Variants in SNTG1 observed in about 807,000 individuals in gnomAD.
The protein encoded by SNTG1 is syntrophin gamma 1.
In SNTG1, 39 loss-of-function variants were observed where a neutral mutation model predicts 74.7. That is an observed-to-expected ratio of 0.52 (90% CI 0.40 to 0.68). The LOEUF is 0.68. SNTG1 is among the 30% of genes least tolerant of loss of function. The pLI is 0.00. For synonymous variants in SNTG1, 254 were observed against 217.1 expected (o/e 1.17, Z -1.49); for missense variants, 685 against 609.5 (o/e 1.12, Z -1.30).
At chr8:50,710,237 T>C (rs1048025792) in intron 17 of SNTG1, among the ~76,000 whole-genome samples, 1 of 152,186 alleles carries the variant, frequency 6.6e-6, no homozygotes, top group African/African-American at 2.4e-5. Context: ...CTTCACATCA[T>C]GACAAAGGAA....
At chr8:50,228,524 A>C (rs2085456752) in intron 2 of SNTG1, among the ~76,000 whole-genome samples, 1 of 151,994 alleles carries the variant, frequency 6.6e-6, no homozygotes, top group South Asian at 2.1e-4. Context: ...ATCTTGAAAT[A>C]AACCAGAGGA....
intron 15 of SNTG1, among the ~76,000 whole-genome samples, chr8:50,697,559 G>A (rs1427775851): frequency 2.0e-5 from 3 of 152,038 alleles, no homozygotes; most frequent in Non-Finnish European, 4.4e-5. Context: ...GTTGACTGTG[G>A]GTTTGTCATA....
intron 9 of SNTG1, among the ~76,000 whole-genome samples, chr8:50,523,901 A>G (rs142662257): frequency 3.1e-4 from 47 of 152,262 alleles, no homozygotes; most frequent in African/African-American, 1.1e-3. Flanking sequence ...CTGTACTTGG[A>G]TATTGGGTTT....
intron 1 of SNTG1, among the ~76,000 whole-genome samples, chr8:50,126,757 A>G (rs2081153588): frequency 6.6e-6 from 1 of 152,238 alleles, no homozygotes; most frequent in African/African-American, 2.4e-5. Context: ...ACAGGTGACA[A>G]TAGTATCCAG....
intron 13 of SNTG1, among the ~76,000 whole-genome samples, chr8:50,593,834 C>A (rs1347285108): frequency 6.6e-6 from 1 of 151,900 alleles, no homozygotes; most frequent in East Asian, 1.9e-4. Context: ...TCTCCTGCCT[C>A]AGCCTCCCAA....
chr8:50,180,750 C>CTTTTTTTTTTTT (rs60630226), intron 2 of SNTG1, among the ~76,000 whole-genome samples: 1 of 80,648 alleles, frequency 1.2e-5, no homozygotes, highest in Non-Finnish European at 2.1e-5. Context: ...ATTGTGAAGC[C>CTTTTTTTTTTTT]TTTTTTTTTT....
At chr8:50,447,417 G>A (rs1333872323) in intron 5 of SNTG1, among the ~76,000 whole-genome samples, 1 of 152,164 alleles carries the variant, frequency 6.6e-6, no homozygotes, top group Non-Finnish European at 1.5e-5. Context: ...CTGGATGATT[G>A]TTTCATGGTT....
intron 1 of SNTG1, among the ~76,000 whole-genome samples, chr8:50,075,834 C>T (rs999869544): frequency 2.0e-5 from 3 of 152,260 alleles, no homozygotes; most frequent in Non-Finnish European, 4.4e-5. Flanking sequence ...AGGTCTGCAA[C>T]TTCATTCTTG....
chr8:50,460,638 A>G (rs968836213), intron 8 of SNTG1, among the ~76,000 whole-genome samples: 4 of 152,100 alleles, frequency 2.6e-5, no homozygotes, highest in African/African-American at 9.7e-5. Flanking sequence ...TAACTCTTTG[A>G]TACATCTTGA....
intron 18 of SNTG1, among the ~76,000 whole-genome samples, chr8:50,764,530 A>T (rs1251949415): frequency 6.6e-6 from 1 of 151,960 alleles, no homozygotes; most frequent in South Asian, 2.1e-4. Flanking sequence ...CCTATGAAGC[A>T]ATGCTTAACA....
chr8:50,438,479 A>C, intron 4 of SNTG1, 64 bp from the exon 5 acceptor site: 3 of 1,452,444 alleles, frequency 2.1e-6, no homozygotes, highest in Non-Finnish European at 2.9e-6. Context: ...AAAAAACAAC[A>C]AAAAATGGTG....
At chr8:50,500,955 G>A (rs557502825) in intron 8 of SNTG1, among the ~76,000 whole-genome samples, 2 of 152,256 alleles carry the variant, frequency 1.3e-5, no homozygotes, top group African/African-American at 4.8e-5. Context: ...TCTAGGCAGA[G>A]GAGGATAGTC....
At chr8:50,288,556 C>T (rs2088914377) in intron 2 of SNTG1, among the ~76,000 whole-genome samples, 1 of 152,004 alleles carries the variant, frequency 6.6e-6, no homozygotes. Context: ...CTACTCTTGC[C>T]GACATTAGAT....
chr8:50,406,924 A>G (rs2092883455), intron 4 of SNTG1, among the ~76,000 whole-genome samples: 1 of 152,132 alleles, frequency 6.6e-6, no homozygotes, highest in Non-Finnish European at 1.5e-5. Flanking sequence ...AGGAAAGCCA[A>G]TCTACAACAG....
intron 4 of SNTG1, among the ~76,000 whole-genome samples, chr8:50,415,284 C>A (rs1396083780): frequency 6.6e-6 from 1 of 151,840 alleles, no homozygotes; most frequent in East Asian, 1.9e-4. Context: ...ATTGTTTCTG[C>A]AGAAAAGCAT....
At chr8:50,781,890 G>T (rs1434660923) in intron 18 of SNTG1, among the ~76,000 whole-genome samples, 1 of 152,178 alleles carries the variant, frequency 6.6e-6, no homozygotes, top group Admixed American at 6.5e-5. Context: ...ACTCTTTTAG[G>T]GTAGGCCTGG....
chr8:50,312,260 T>TC (rs1306145466), intron 2 of SNTG1, among the ~76,000 whole-genome samples: 1 of 152,014 alleles, frequency 6.6e-6, no homozygotes, highest in African/African-American at 2.4e-5. Flanking sequence ...TGCTTTTAGT[T>TC]CCCCCCATCT....
intron 13 of SNTG1, among the ~76,000 whole-genome samples, chr8:50,592,933 G>C (rs145591157): frequency 0.013 from 1,902 of 152,118 alleles, 45 homozygotes; most frequent in African/African-American, 0.042. Context: ...TTATATTATT[G>C]CATAATTAGG....
intron 18 of SNTG1, among the ~76,000 whole-genome samples, chr8:50,788,409 A>G (rs781683814): frequency 6.6e-6 from 1 of 151,734 alleles, no homozygotes; most frequent in Non-Finnish European, 1.5e-5. Flanking sequence ...TTGCATGGCC[A>G]TGTTACTGTG....
Sources: gnomAD v4.1 joint callset for allele counts (sites outside exome capture counted in the v4.1 genomes callset) on GRCh38, gnomAD v4.1.1 for gene constraint, MANE v1.5 for transcripts, NCBI Gene and HGNC (gene_info 2026-07-23, HGNC 2026-07-21) for gene names.